TMEM117: variants seen among roughly 807,000 people sequenced by gnomAD.
TMEM117 encodes transmembrane protein 117.
Under a neutral mutation model 52.4 loss-of-function variants are expected in TMEM117, and 27 were observed. The observed-to-expected ratio is 0.51, with a 90% CI of 0.38 to 0.71. The LOEUF (loss-of-function observed/expected upper bound fraction) is 0.71. TMEM117 is among the 30% of genes least tolerant of loss of function. The probability of loss-of-function intolerance (pLI) is 0.00; values close to 1 mark genes in which losing one functional copy is unlikely to be tolerated. For missense variants in TMEM117, 556 were observed against 630.5 expected (o/e 0.88, Z 1.26); for synonymous variants, 215 against 206.3 (o/e 1.04, Z -0.36).
chr12:43,990,154 A>C (rs1945914603), intron 3 of TMEM117, among the ~76,000 whole-genome samples: 1 of 152,194 alleles, frequency 6.6e-6, no homozygotes, highest in Non-Finnish European at 1.5e-5. Context: ...CTTGAAGTAG[A>C]GGATATTAGA....
intron 5 of TMEM117, among the ~76,000 whole-genome samples, chr12:44,272,564 T>C (rs1027632822): frequency 2.6e-5 from 4 of 152,106 alleles, no homozygotes; most frequent in African/African-American, 9.7e-5. Flanking sequence ...GCGAAGGATA[T>C]GAACAAGACA....
intron 2 of TMEM117, among the ~76,000 whole-genome samples, chr12:43,845,161 T>TA (rs200875818): frequency 4.0e-5 from 6 of 150,612 alleles, no homozygotes; most frequent in Non-Finnish European, 5.9e-5. Flanking sequence ...CAAACTTCAT[T>TA]AAAAAAAAAT....
At chr12:43,871,815 C>T (rs1368633884) in intron 2 of TMEM117, among the ~76,000 whole-genome samples, 1 of 152,194 alleles carries the variant, frequency 6.6e-6, no homozygotes, top group Non-Finnish European at 1.5e-5. Flanking sequence ...CCTTTGTTCA[C>T]AGCACAGTAC....
At chr12:43,983,424 A>C (rs1387439218) in intron 3 of TMEM117, among the ~76,000 whole-genome samples, 3 of 151,866 alleles carry the variant, frequency 2.0e-5, no homozygotes, top group African/African-American at 7.3e-5. Flanking sequence ...GGTGTAATAC[A>C]CTAGGAGTCA....
intron 3 of TMEM117, among the ~76,000 whole-genome samples, chr12:44,063,521 G>A (rs1055551516): frequency 1.3e-5 from 2 of 151,836 alleles, no homozygotes; most frequent in Admixed American, 6.6e-5. Flanking sequence ...ACAACGTACA[G>A]GTTTGTTACA....
chr12:44,353,070 G>T (rs1951588888), intron 6 of TMEM117, among the ~76,000 whole-genome samples: 1 of 152,086 alleles, frequency 6.6e-6, no homozygotes, highest in African/African-American at 2.4e-5. Context: ...TTTTTCATGT[G>T]TTTTTTGGCT....
At chr12:43,928,647 G>A (rs1016516943) in intron 2 of TMEM117, among the ~76,000 whole-genome samples, 1 of 151,446 alleles carries the variant, frequency 6.6e-6, no homozygotes, top group Non-Finnish European at 1.5e-5. Context: ...ACAATGCGCA[G>A]GTTAGTTACA....
chr12:44,189,227 A>G (rs1490125412), intron 4 of TMEM117, among the ~76,000 whole-genome samples: 1 of 152,190 alleles, frequency 6.6e-6, no homozygotes, highest in African/African-American at 2.4e-5. Context: ...TCCAATATCC[A>G]CATCATTGCC....
intron 6 of TMEM117, among the ~76,000 whole-genome samples, chr12:44,372,453 T>C (rs1005785137): frequency 6.6e-6 from 1 of 152,140 alleles, no homozygotes; most frequent in African/African-American, 2.4e-5. Flanking sequence ...TTGCTATGAA[T>C]CACCCATTAG....
intron 6 of TMEM117, among the ~76,000 whole-genome samples, chr12:44,332,163 T>A (rs750974766): frequency 6.6e-5 from 10 of 152,064 alleles, no homozygotes; most frequent in Non-Finnish European, 1.3e-4. Flanking sequence ...ACACTGGCTA[T>A]ATTTAACCTC....
chr12:44,080,455 C>T (rs866996601), intron 3 of TMEM117, among the ~76,000 whole-genome samples: 2 of 152,024 alleles, frequency 1.3e-5, no homozygotes, highest in African/African-American at 2.4e-5. Flanking sequence ...TCCCATGACA[C>T]GTGGAGATTA....
the TMEM117 span, among the ~76,000 whole-genome samples, chr12:43,796,112 G>A: frequency 6.6e-6 from 1 of 152,134 alleles, no homozygotes; most frequent in East Asian, 1.9e-4. Flanking sequence ...TACAAGAGAG[G>A]TAAACAAACC....
chr12:44,353,485 G>A (rs1189023716), intron 6 of TMEM117, among the ~76,000 whole-genome samples: 1 of 151,474 alleles, frequency 6.6e-6, no homozygotes, highest in Non-Finnish European at 1.5e-5. Flanking sequence ...AAGGTGTAAG[G>A]AAGGGATCCA....
chr12:44,110,091 C>G (rs1385687389), intron 3 of TMEM117, among the ~76,000 whole-genome samples: 1 of 52,808 alleles, frequency 1.9e-5, no homozygotes, highest in African/African-American at 1.1e-4. Flanking sequence ...TGCTTATCAG[C>G]TTAAGGAGAT....
intron 4 of TMEM117, among the ~76,000 whole-genome samples, chr12:44,160,186 C>T (rs1357549453): frequency 6.6e-6 from 1 of 152,040 alleles, no homozygotes. Flanking sequence ...GCTGCGTTAG[C>T]CCTTTTAGAT....
intron 2 of TMEM117, among the ~76,000 whole-genome samples, chr12:43,870,218 T>A (rs1943678714): frequency 6.6e-6 from 1 of 151,996 alleles, no homozygotes; most frequent in Non-Finnish European, 1.5e-5. Flanking sequence ...TGAATAGTGC[T>A]GCAGTGAACA....
intron 3 of TMEM117, among the ~76,000 whole-genome samples, chr12:44,117,082 G>A (rs536817324): frequency 3.5e-4 from 53 of 152,068 alleles, no homozygotes; most frequent in Non-Finnish European, 6.6e-4. Flanking sequence ...ATCAGTTCCC[G>A]CCTACATTTC....
intron 5 of TMEM117, among the ~76,000 whole-genome samples, chr12:44,283,435 C>T (rs765650259): frequency 6.6e-6 from 1 of 152,174 alleles, no homozygotes; most frequent in Non-Finnish European, 1.5e-5. Context: ...CTTGCATCAG[C>T]GTGACCTGAT....
chr12:44,119,705 G>C (rs1336954179), intron 3 of TMEM117, among the ~76,000 whole-genome samples: 1 of 152,128 alleles, frequency 6.6e-6, no homozygotes, highest in Non-Finnish European at 1.5e-5. Context: ...TGACTCCCCA[G>C]TCTGACCGTG....
Sources: allele counts gnomAD v4.1 joint callset (sites outside exome capture counted in the v4.1 genomes callset), GRCh38; gene constraint gnomAD v4.1.1; transcripts MANE v1.5; gene names NCBI Gene and HGNC (gene_info 2026-07-23, HGNC 2026-07-21).